The following BACH2 variants were observed in gnomAD, a reference collection of about 807,000 sequenced individuals.
BACH2 encodes transcription regulator protein BACH2.
In BACH2, 5 loss-of-function variants were observed where a neutral mutation model predicts 61.8. That is an observed-to-expected ratio of 0.08 (90% CI 0.04 to 0.17). BACH2 has a LOEUF of 0.17. Ranked by LOEUF, BACH2 falls within the 10% of genes least tolerant of loss-of-function variation. The pLI, the probability that BACH2 is intolerant of heterozygous loss-of-function variation, is 1.00. For missense variants in BACH2, 824 were observed against 1,091.1 expected, an observed-to-expected ratio of 0.76 and a Z score of 3.45; for synonymous variants, 446 against 440.1, an observed-to-expected ratio of 1.01 and a Z score of -0.17.
chr6:90,056,838 AC>A (rs1319786157), intron 5 of BACH2, among the ~76,000 whole-genome samples: 1 of 152,236 alleles, frequency 6.6e-6, no homozygotes, highest in Non-Finnish European at 1.5e-5. Flanking sequence ...CTGCTCAACT[AC>A]ATGGAAACTG....
chr6:90,190,421 C>T (rs1310445274), intron 4 of BACH2, among the ~76,000 whole-genome samples: 1 of 152,246 alleles, frequency 6.6e-6, no homozygotes, highest in South Asian at 2.1e-4. Flanking sequence ...ACTATTTCTG[C>T]TCTTCTGCTA....
At chr6:90,218,361 T>A (rs1406651685) in intron 3 of BACH2, 1 of 152,232 alleles carries the variant, frequency 6.6e-6, no homozygotes, top group African/African-American at 2.4e-5. Context: ...AAACTAGACA[T>A]TACCTTATAC....
At chr6:89,934,131 G>C (rs1772861695) in intron 8 of BACH2, among the ~76,000 whole-genome samples, 1 of 152,202 alleles carries the variant, frequency 6.6e-6, no homozygotes, top group Non-Finnish European at 1.5e-5. Context: ...GAACAGGAGG[G>C]ACCCTCCCTA....
At chr6:90,247,555 C>G (rs944630580) in intron 3 of BACH2, among the ~76,000 whole-genome samples, 1 of 152,042 alleles carries the variant, frequency 6.6e-6, no homozygotes, top group East Asian at 1.9e-4. Context: ...TAAGGGCTAC[C>G]AAACAGCAAT....
chr6:90,235,801 C>T (rs1277574745), intron 3 of BACH2, among the ~76,000 whole-genome samples: 1 of 152,328 alleles, frequency 6.6e-6, no homozygotes, highest in East Asian at 1.9e-4. Context: ...ATTGGGCCTC[C>T]TGAATGAACT....
At chr6:89,999,202 G>A (rs12214856) in intron 6 of BACH2, among the ~76,000 whole-genome samples, 94,840 of 152,122 alleles carry the variant, frequency 0.62, 30,804 homozygotes, top group South Asian at 0.73. Context: ...TCAGCTTTCA[G>A]CCTAAATGAT....
At chr6:90,262,047 C>T (rs1771176491) in intron 2 of BACH2, among the ~76,000 whole-genome samples, 1 of 152,154 alleles carries the variant, frequency 6.6e-6, no homozygotes, top group African/African-American at 2.4e-5. Flanking sequence ...ATCATGAAAC[C>T]TCTGCATTGA....
chr6:90,102,691 G>A (rs182508924), intron 4 of BACH2, among the ~76,000 whole-genome samples: 327 of 151,740 alleles, frequency 2.2e-3, no homozygotes, highest in Non-Finnish European at 3.7e-3. Flanking sequence ...TCGGGAGGAC[G>A]AGGCAGGAGA....
Position 90,102,839 on chromosome 6 carries a change from T to TAATAAAAAA in BACH2, c.-161-13731_-161-13730insTTTTTTATT, listed in dbSNP as rs751278080. Among the ~76,000 whole-genome samples the TAATAAAAAA allele has an allele frequency of 1.0e-3, 125 of 122,218 alleles. 1 individual carries two copies. The highest frequency in any genetic ancestry group is 1.5e-3 in the Non-Finnish European group (86 of 58,104). The allele number at this position is 122,218 out of a possible 152,430, so 80.2% of individuals were successfully genotyped here. On this transcript the variant is annotated intron_variant, in intron 4 of 8. Coordinates refer to ENST00000257749, the MANE Select transcript of BACH2 (RefSeq NM_021813.4). The stretch of plus-strand genomic sequence containing the variant: ...ATAATAATAATAATAATAATAATAA[T>TAATAAAAAA]AAAAATAAAAGGACCTTCCATTCAG...
chr6:90,265,386 AAG>A (rs1198298075), intron 2 of BACH2, among the ~76,000 whole-genome samples: 1 of 152,262 alleles, frequency 6.6e-6, no homozygotes, highest in Non-Finnish European at 1.5e-5. Flanking sequence ...TTCCACAAGA[AAG>A]AGAACTTTAG....
chr6:90,175,821 T>G (rs1767966257), intron 4 of BACH2, among the ~76,000 whole-genome samples: 1 of 152,030 alleles, frequency 6.6e-6, no homozygotes, highest in Non-Finnish European at 1.5e-5. Context: ...ACAAGAAAAT[T>G]CACCAATCTA....
intron 3 of BACH2, among the ~76,000 whole-genome samples, chr6:90,219,162 T>C (rs940411201): frequency 2.6e-5 from 4 of 152,220 alleles, no homozygotes; most frequent in Admixed American, 6.5e-5. Context: ...GTCACTTCTC[T>C]GTTTAGAGCC....
intron 5 of BACH2, among the ~76,000 whole-genome samples, chr6:90,042,019 G>A (rs1779560394): frequency 6.6e-6 from 1 of 152,014 alleles, no homozygotes; most frequent in Non-Finnish European, 1.5e-5. Context: ...TCTGACCACT[G>A]CTTTAAGCTG....
At chr6:90,014,468 ATTTTTTTTTTTTT>A (rs1164045089) in intron 5 of BACH2, among the ~76,000 whole-genome samples, 27 of 32,298 alleles carry the variant, frequency 8.4e-4, no homozygotes, top group Non-Finnish European at 1.2e-3. Flanking sequence ...ATATATATAT[ATTTTTTTTTTTTT>A]TTTTTTTTTT....
At chr6:90,152,850 C>G (rs1209366924) in intron 4 of BACH2, among the ~76,000 whole-genome samples, 1 of 152,082 alleles carries the variant, frequency 6.6e-6, no homozygotes, top group African/African-American at 2.4e-5. Context: ...AGTTATAGCG[C>G]TAACATTTCA....
At chr6:90,027,735 T>C (rs1469458818) in intron 5 of BACH2, among the ~76,000 whole-genome samples, 1 of 152,216 alleles carries the variant, frequency 6.6e-6, no homozygotes, top group Non-Finnish European at 1.5e-5. Flanking sequence ...TTTGGGGCCA[T>C]TGTTAGACTG....
chr6:90,094,006 A>G (rs1458368924), intron 4 of BACH2, among the ~76,000 whole-genome samples: 26 of 152,358 alleles, frequency 1.7e-4, no homozygotes, highest in Non-Finnish European at 7.3e-5. Flanking sequence ...TCATTCTCTT[A>G]CAAGTAAAGT....
intron 4 of BACH2, among the ~76,000 whole-genome samples, chr6:90,143,999 C>T (rs574286900): frequency 1.3e-5 from 2 of 152,292 alleles, no homozygotes; most frequent in African/African-American, 4.8e-5. Context: ...TCTTACCTGT[C>T]TTTATGTTTC....
At chr6:89,938,502 G>A (rs759907455) in intron 7 of BACH2, 152 bp from the exon 8 acceptor site, 5 of 649,934 alleles carry the variant, frequency 7.7e-6, no homozygotes, top group Non-Finnish European at 1.3e-5. Context: ...CCTGTTTAAA[G>A]ACAGATAAGA....
Sources: gnomAD v4.1 joint callset for allele counts (sites outside exome capture counted in the v4.1 genomes callset) on GRCh38, gnomAD v4.1.1 for gene constraint, MANE v1.5 for transcripts, NCBI Gene and HGNC (gene_info 2026-07-23, HGNC 2026-07-21) for gene names.